STARD9: variants seen among roughly 807,000 people sequenced by gnomAD.
STARD9 encodes the protein StAR related lipid transfer domain containing 9, also known as stAR-related lipid transfer protein 9.
In STARD9, 346 loss-of-function variants were observed where a neutral mutation model predicts 399.8. The ratio of observed to expected loss-of-function variants is 0.87; its 90% CI spans 0.79 to 0.95. The LOEUF is 0.95. Among genes scored for constraint, STARD9 ranks in the 40% least tolerant of loss-of-function variants. The probability of loss-of-function intolerance (pLI) is 0.00; values close to 1 mark genes in which losing one functional copy is unlikely to be tolerated. For missense variants in STARD9, 5,832 were observed against 5,667.5 expected (o/e 1.03, Z -0.93); for synonymous variants, 2,203 against 2,143.5 (o/e 1.03, Z -0.77).
intron 3 of STARD9, among the ~76,000 whole-genome samples, chr15:42,627,609 C>G (rs957636592): frequency 6.6e-5 from 10 of 152,174 alleles, no homozygotes; most frequent in African/African-American, 1.9e-4. Context: ...ACTGCCCTTC[C>G]CAGCCTCTGG....
intron 3 of STARD9, among the ~76,000 whole-genome samples, chr15:42,626,111 CA>C: frequency 6.6e-6 from 1 of 151,844 alleles, no homozygotes; most frequent in East Asian, 2.0e-4. Flanking sequence ...TTAGTAGAGA[CA>C]GGGTTTCACC....
intron 26 of STARD9, among the ~76,000 whole-genome samples, chr15:42,712,372 T>C (rs1357683800): frequency 6.6e-6 from 1 of 151,366 alleles, no homozygotes; most frequent in Non-Finnish European, 1.5e-5. Context: ...TTTGGTTTCA[T>C]ATCTAAGAAA....
rs776062360 is a variant in STARD9, at chr15:42,689,864, G to T, written c.8286G>T (p.Gln2762His). The T allele has an allele frequency of 6.5e-7, 1 of 1,537,484 alleles. No individual in the cohort carries two copies. The highest frequency in any genetic ancestry group is 1.2e-5 in the South Asian group (1 of 84,056). Residue 2762 changes from glutamine to histidine, a missense_variant, in exon 23 of 33, where the codon CAG (glutamine) becomes CAT (histidine). Coordinates refer to ENST00000290607, the MANE Select transcript of STARD9 (RefSeq NM_020759.3). ...GAGTGACTCTGCATGAGCTAAGTCA[G>T]TCAGTTCCGCAGGAGACTGCAGAGG... ...DPRVTLHELS[Q>H]SVPQETAEGI... is the part of the protein sequence containing the mutation.
chr15:42,581,492 T>C lies in STARD9; in HGVS notation c.48-1854T>C, dbSNP rs540852999. On this transcript the variant is annotated intron_variant, in intron 1 of 32. Coordinates refer to ENST00000290607, the MANE Select transcript of STARD9 (RefSeq NM_020759.3). Reference sequence around the variant, plus strand: ...CGCTGCCAGCGGAGGAGGACATGGCTGTGGACGCGGGCTCTGGGCTTTGTG... The same window carrying C: ...CGCTGCCAGCGGAGGAGGACATGGCCGTGGACGCGGGCTCTGGGCTTTGTG... The C allele has an allele frequency of 6.4e-5, 96 of 1,495,224 alleles. 3 individuals are homozygous for C. The Admixed American group carries it at 1.7e-3, about 26-fold the overall frequency. 92.6% of individuals were successfully genotyped at this position (1,495,224 alleles called of 1,614,324 possible).
intron 3 of STARD9, among the ~76,000 whole-genome samples, chr15:42,632,892 C>G (rs1480427250): frequency 6.6e-6 from 1 of 152,042 alleles, no homozygotes; most frequent in Non-Finnish European, 1.5e-5. Context: ...CCTGTAATCC[C>G]AGCACTTTGG....
At chr15:42,710,909 CTCTCTG>C (rs58862522) in intron 26 of STARD9, among the ~76,000 whole-genome samples, 6,303 of 132,072 alleles carry the variant, frequency 0.048, 355 homozygotes, top group African/African-American at 0.21. Flanking sequence ...CTCTCTCTCT[CTCTCTG>C]TGTGTGTGTG....
In STARD9 at chr15:42,693,311, G is replaced by A. The variant is rs1251247537; in HGVS notation, c.11733G>A (p.Pro3911=). 15 of 1,536,832 alleles carry A rather than the reference G, an allele frequency of 9.8e-6. No individual in the cohort carries two copies. The East Asian group carries it at 9.8e-5, about 10-fold the overall frequency. Residue 3911 remains proline (P), a synonymous_variant, in exon 23 of 33, where the codon CCG becomes CCA. Coordinates refer to ENST00000290607, the MANE Select transcript of STARD9 (RefSeq NM_020759.3). ...CTCTTAGTGCCAGCACCCAAGAGCCGGGTCTTTCCCCAGGCTCTTTGACCC... is the reference window on the plus strand; with the variant it reads ...CTCTTAGTGCCAGCACCCAAGAGCCAGGTCTTTCCCCAGGCTCTTTGACCC... ...ILTLSASTQE[P]GLSPGSLTLS... is the part of the protein sequence containing the mutation.
chr15:42,706,048 C>T (rs1314322666), intron 26 of STARD9, among the ~76,000 whole-genome samples: 1 of 151,950 alleles, frequency 6.6e-6, no homozygotes, highest in Admixed American at 6.6e-5. Flanking sequence ...CCACCGCACC[C>T]GTCCTGTTGT....
chr15:42,715,471 AG>A (rs2061332768), intron 26 of STARD9, among the ~76,000 whole-genome samples: 1 of 151,982 alleles, frequency 6.6e-6, no homozygotes, highest in Admixed American at 6.5e-5. Context: ...ACTTGAGCCC[AG>A]GAGTCTAAGA....
At chr15:42,661,110 CA>C in intron 9 of STARD9, 47 bp from the exon 10 acceptor site, 1 of 1,376,864 alleles carries the variant, frequency 7.3e-7, no homozygotes, top group East Asian at 2.5e-5. Flanking sequence ...AAGGGGAAAA[CA>C]ATACAAATCG....
At chr15:42,629,011 C>A (rs979147485) in intron 3 of STARD9, among the ~76,000 whole-genome samples, 6 of 151,908 alleles carry the variant, frequency 3.9e-5, no homozygotes, top group African/African-American at 1.5e-4. Flanking sequence ...TCTCATACTA[C>A]CCCAGTTAAA....
intron 17 of STARD9, 56 bp from the exon 18 acceptor site, chr15:42,674,771 A>G: frequency 6.8e-7 from 1 of 1,470,750 alleles, no homozygotes; most frequent in Non-Finnish European, 9.0e-7. Context: ...AAAGAAATGG[A>G]GAGGGTGTTT....
chr15:42,607,791 C>T (rs1345726525), intron 3 of STARD9, among the ~76,000 whole-genome samples: 2 of 152,124 alleles, frequency 1.3e-5, no homozygotes, highest in Non-Finnish European at 2.9e-5. Context: ...ATTTACCCCC[C>T]TCTGATCAGT....
chr15:42,682,043 C>G, intron 21 of STARD9, 61 bp from the exon 22 acceptor site: 1 of 1,159,050 alleles, frequency 8.6e-7, no homozygotes, highest in East Asian at 2.6e-5. Flanking sequence ...TATCTGAGTC[C>G]AGGCAGCCAC....
At chr15:42,597,792 C>T (rs1243161896) in intron 3 of STARD9, among the ~76,000 whole-genome samples, 1 of 152,058 alleles carries the variant, frequency 6.6e-6, no homozygotes, top group African/African-American at 2.4e-5. Context: ...CCGACTTAGC[C>T]TCCCAAAATG....
intron 26 of STARD9, among the ~76,000 whole-genome samples, chr15:42,712,089 A>T (rs2061240763): frequency 1.2e-4 from 1 of 8,492 alleles, no homozygotes; most frequent in Non-Finnish European, 1.6e-4. Context: ...TATTATATAT[A>T]TATATATAAT....
intron 26 of STARD9, among the ~76,000 whole-genome samples, chr15:42,712,096 T>TATATATATAAAATATAA (rs1566966126): frequency 7.9e-3 from 4 of 508 alleles, no homozygotes; most frequent in African/African-American, 0.014. Flanking sequence ...TATATATATA[T>TATATATATAAAATATAA]AATATATAAT....
Position 42,656,236 on chromosome 15 carries a change from A to G in STARD9, c.702+3644A>G, listed in dbSNP as rs1266188519. Among the ~76,000 whole-genome samples the G allele has an allele frequency of 3.4e-5, 5 of 147,142 alleles. No individual in the cohort carries two copies. In the East Asian group the frequency reaches 1.0e-3, roughly 30 times the overall value. On this transcript the variant is annotated intron_variant, in intron 9 of 32. Transcript: ENST00000290607. ...CTGTTGCGCTCCTGTAGTCCCAGCT[A>G]CTCACGAGGCTGAAGCTGGAGAATT...
chr15:42,637,550 C>G (rs919629104), intron 4 of STARD9, among the ~76,000 whole-genome samples: 1 of 152,100 alleles, frequency 6.6e-6, no homozygotes, highest in Non-Finnish European at 1.5e-5. Context: ...TACTCTTGTC[C>G]GCCTGTAAGG....
Sources: gnomAD v4.1 joint callset for allele counts (sites outside exome capture counted in the v4.1 genomes callset) on GRCh38, gnomAD v4.1.1 for gene constraint, MANE v1.5 for transcripts, NCBI Gene and HGNC (gene_info 2026-07-23, HGNC 2026-07-21) for gene names.